NCOA5: variants seen among roughly 807,000 people sequenced by gnomAD.
NCOA5 encodes the protein nuclear receptor coactivator 5.
In NCOA5, 12 loss-of-function variants were observed where a neutral mutation model predicts 59.0. That is an observed-to-expected ratio of 0.20 (90% CI 0.13 to 0.33). The LOEUF (loss-of-function observed/expected upper bound fraction) is 0.33. Ranked by LOEUF, NCOA5 falls within the 10% of genes least tolerant of loss-of-function variation. The pLI is 1.00. For synonymous variants in NCOA5, 270 were observed against 275.5 expected, an observed-to-expected ratio of 0.98 and a Z score of 0.20; for missense variants, 655 against 766.6, an observed-to-expected ratio of 0.85 and a Z score of 1.72.
intron 4 of NCOA5, among the ~76,000 whole-genome samples, chr20:46,067,640 A>G (rs2084838889): frequency 6.9e-6 from 1 of 145,218 alleles, no homozygotes; most frequent in East Asian, 1.9e-4. Flanking sequence ...AAAGAAAAAA[A>G]TCAAGTATAA....
At chr20:46,087,123 G>A (rs1490512572) in intron 1 of NCOA5, among the ~76,000 whole-genome samples, 1 of 152,168 alleles carries the variant, frequency 6.6e-6, no homozygotes, top group Non-Finnish European at 1.5e-5. Flanking sequence ...CAGGAGCAAT[G>A]ATTTAGTATT....
Position 46,070,429 on chromosome 20 carries a change from C to A in NCOA5, c.146G>T (p.Arg49Leu), listed in dbSNP as rs376779498. Residue 49 changes from arginine to leucine, a missense_variant, in exon 3 of 8, where the codon CGG becomes CTG. Physicochemically the swap from Arg to Leu is moderately radical, Grantham distance 102. Coordinates refer to ENST00000290231, the MANE Select transcript of NCOA5 (RefSeq NM_020967.3). ...PRDGRNGRDA[R>L]DSRDIRDPRD... Reference sequence around the variant, plus strand: ...GGGGTCTCGAATGTCTCTGCTGTCCCGGGCATCCCGGCCATTTCTGCCATC... The same window carrying A: ...GGGGTCTCGAATGTCTCTGCTGTCCAGGGCATCCCGGCCATTTCTGCCATC... The A allele has an allele frequency of 6.2e-7, 1 of 1,613,954 alleles. No homozygotes were observed. The highest frequency in any genetic ancestry group is 8.5e-7 in the Non-Finnish European group (1 of 1,180,026).
chr20:46,084,015 T>C (rs1392307940), intron 1 of NCOA5, among the ~76,000 whole-genome samples: 1 of 152,198 alleles, frequency 6.6e-6, no homozygotes, highest in African/African-American at 2.4e-5. Flanking sequence ...AAAATAATTA[T>C]TACATCTTTA....
At chr20:46,072,633 G>A (rs980630148) in intron 2 of NCOA5, among the ~76,000 whole-genome samples, 1 of 152,166 alleles carries the variant, frequency 6.6e-6, no homozygotes, top group Admixed American at 6.5e-5. Flanking sequence ...CGGCCTTTCA[G>A]CTCTGCCTAG....
chr20:46,078,062 C>T (rs373553502), intron 2 of NCOA5, among the ~76,000 whole-genome samples: 1 of 152,202 alleles, frequency 6.6e-6, no homozygotes, highest in Admixed American at 6.5e-5. Flanking sequence ...GTGAAACCAA[C>T]GAATGGCCAG....
At chr20:46,089,042 T>C (rs1294946912) in intron 1 of NCOA5, among the ~76,000 whole-genome samples, 1 of 152,162 alleles carries the variant, frequency 6.6e-6, no homozygotes, top group Admixed American at 6.5e-5. Flanking sequence ...ATTTGGTAAA[T>C]AGCAGTACAG....
At chr20:46,072,245 C>G (rs1252384803) in intron 2 of NCOA5, among the ~76,000 whole-genome samples, 5 of 152,190 alleles carry the variant, frequency 3.3e-5, no homozygotes, top group African/African-American at 1.2e-4. Context: ...GTTTTTGCCT[C>G]TTTCCAAATC....
rs144742270 is a variant in NCOA5 at position 46,079,402 on chromosome 20, G to A, written c.23C>T (p.Pro8Leu). Residue 8 changes from proline to leucine, a missense_variant, in exon 2 of 8, where the codon CCC becomes CTC. By Grantham distance (98) the Pro-to-Leu change is moderately conservative. Transcript: ENST00000290231. MNTAPSR[P>L]SPTRRDPYGF... ...GGTACTTTACCTTCGTGTGGGGCTG[G>A]GTCTTGATGGAGCCGTATTCATATT... is the stretch of plus-strand genomic sequence containing the variant. 8 of 1,613,890 alleles carry A rather than the reference G, an allele frequency of 5.0e-6. No homozygotes were observed. Among genetic ancestry groups the A allele is most frequent in the Non-Finnish European group, 6.8e-6 (8 of 1,179,976 alleles).
At position 46,062,228 on chromosome 20, in the gene NCOA5, G is replaced by T; in HGVS notation, c.*72C>A. ...GAGCGCAGAGAACATCCTCCAAACA[G>T]CTCTATTTAGAACAAGTAAGTGGGA... On this transcript the variant is annotated 3_prime_UTR_variant, in exon 8 of 8. Coordinates refer to ENST00000290231, the MANE Select transcript of NCOA5 (RefSeq NM_020967.3). The T allele has an allele frequency of 8.3e-7, 1 of 1,209,146 alleles. No individual in the cohort carries two copies. Among genetic ancestry groups the T allele is most frequent in the Non-Finnish European group, 1.2e-6 (1 of 862,620 alleles). The allele number at this position is 1,209,146 out of a possible 1,614,324, so 74.9% of individuals were successfully genotyped here. A position where few individuals can be genotyped will look rare whatever the true frequency, so the allele number is the denominator to read the frequency against.
chr20:46,079,453 T>C lies in NCOA5; in HGVS notation c.-29A>G, dbSNP rs369941297. 3 of 1,611,692 alleles carry C rather than the reference T, an allele frequency of 1.9e-6. No individual in the cohort carries two copies. Among genetic ancestry groups the C allele is most frequent in the Non-Finnish European group, 2.5e-6 (3 of 1,178,012 alleles). On this transcript the variant is annotated splice_region_variant and 5_prime_UTR_variant, in exon 2 of 8. Transcript: ENST00000290231. Reference sequence around the variant, plus strand: ...TCTTCTTTCCGCTGCCTTATTAATATCTGAAAAGAATAATCAACCCATCTG... The same window carrying C: ...TCTTCTTTCCGCTGCCTTATTAATACCTGAAAAGAATAATCAACCCATCTG...
At chr20:46,075,167 C>T (rs752891010) in intron 2 of NCOA5, among the ~76,000 whole-genome samples, 1 of 152,188 alleles carries the variant, frequency 6.6e-6, no homozygotes, top group Non-Finnish European at 1.5e-5. Flanking sequence ...AGGATATGGA[C>T]GTGCAATGAG....
At chr20:46,069,566 C>G (rs1049886666) in intron 3 of NCOA5, among the ~76,000 whole-genome samples, 2 of 152,108 alleles carry the variant, frequency 1.3e-5, no homozygotes, top group Admixed American at 6.5e-5. Flanking sequence ...TGAGACTCCA[C>G]GTCTATACAA....
In NCOA5 at chr20:46,070,202, G is replaced by T; in HGVS notation, c.365+8C>A. 1 of 1,594,752 alleles carries T rather than the reference G, an allele frequency of 6.3e-7. No individual in the cohort carries two copies. The highest frequency in any genetic ancestry group is 8.6e-7 in the Non-Finnish European group (1 of 1,163,296). On this transcript the variant is annotated splice_region_variant and intron_variant, in intron 3 of 7. Coordinates refer to ENST00000290231, the MANE Select transcript of NCOA5 (RefSeq NM_020967.3). The stretch of plus-strand genomic sequence containing the variant: ...AGGAAAAAACAAGCAGAGTAACTAC[G>T]TATGTACCTGTACATAGGATCTCGG...
chr20:46,079,282 G>A (rs1034339809), intron 2 of NCOA5, 105 bp downstream of exon 2: 9 of 1,064,162 alleles, frequency 8.5e-6, no homozygotes, highest in African/African-American at 3.1e-5. Context: ...TTGCTTGAGC[G>A]TTTCACTTGT....
At chr20:46,073,480 G>C (rs753558790) in intron 2 of NCOA5, among the ~76,000 whole-genome samples, 1 of 152,166 alleles carries the variant, frequency 6.6e-6, no homozygotes, top group Non-Finnish European at 1.5e-5. Flanking sequence ...TTCCTAACAT[G>C]TAACATCTGA....
At position 46,068,616 on chromosome 20, in the gene NCOA5, A is replaced by T; in HGVS notation, c.388T>A (p.Tyr130Asn). The T allele has an allele frequency of 1.2e-6, 2 of 1,613,156 alleles. No homozygotes were observed. The highest frequency in any genetic ancestry group is 1.7e-6 in the Non-Finnish European group (2 of 1,179,632). Residue 130 changes from tyrosine to asparagine, a missense_variant, in exon 4 of 8, where the codon TAC becomes AAC. Physicochemically the swap from Tyr to Asn is moderately radical, Grantham distance 143. Transcript: ENST00000290231. ...MYRREGSYDR[Y>N]LRMDDYCRRK... ...CTGCAATAGTCATCCATTCGTAGGT[A>T]TCGGTCATAAGAGCCTTCTCTCCTG...
In NCOA5 at chr20:46,062,427, G is replaced by A; in HGVS notation, c.1613C>T (p.Pro538Leu). 6.2e-7 allele frequency: 1 copy of A among 1,614,174 alleles called. No homozygotes were observed. The highest frequency in any genetic ancestry group is 8.5e-7 in the Non-Finnish European group (1 of 1,180,034). ...VSSTGINFDNPSVQKALDTLI... is the reference protein window; with the variant it reads ...VSSTGINFDNLSVQKALDTLI... ...GGTATCCAGAGCCTTCTGTACACTT[G>A]GATTGTCAAAGTTGATACCTGTGGA... Residue 538 changes from proline to leucine, a missense_variant, in exon 8 of 8, where the codon CCA (proline) becomes CTA (leucine). Physicochemically the swap from Pro to Leu is moderately conservative, Grantham distance 98. Transcript: ENST00000290231.
At chr20:46,086,616 GTT>G (rs919899704) in intron 1 of NCOA5, among the ~76,000 whole-genome samples, 1 of 152,160 alleles carries the variant, frequency 6.6e-6, no homozygotes, top group East Asian at 1.9e-4. Flanking sequence ...CTTTTTGACA[GTT>G]TAACTCTGCT....
chr20:46,083,321 T>C (rs755870953), intron 1 of NCOA5, among the ~76,000 whole-genome samples: 33 of 152,220 alleles, frequency 2.2e-4, no homozygotes, highest in Non-Finnish European at 4.3e-4. Flanking sequence ...GAAAAGGAAG[T>C]CTGCACTGCT....
Sources: allele counts gnomAD v4.1 joint callset (sites outside exome capture counted in the v4.1 genomes callset), GRCh38; gene constraint gnomAD v4.1.1; transcripts MANE v1.5; gene names NCBI Gene and HGNC (gene_info 2026-07-23, HGNC 2026-07-21).